The following RNF112 variants were observed in gnomAD, a reference collection of about 807,000 sequenced individuals.
RNF112 encodes the protein ring finger protein 112.
Under a neutral mutation model 64.7 loss-of-function variants are expected in RNF112, and 34 were observed. That is an observed-to-expected ratio of 0.53 (90% CI 0.40 to 0.70). The LOEUF is 0.70. RNF112 is among the 30% of genes least tolerant of loss of function. The probability of loss-of-function intolerance (pLI) is 0.00; values close to 1 mark genes in which losing one functional copy is unlikely to be tolerated. For synonymous variants in RNF112, 345 were observed against 344.5 expected, an observed-to-expected ratio of 1.00 and a Z score of -0.02; for missense variants, 734 against 850.0, an observed-to-expected ratio of 0.86 and a Z score of 1.70.
At position 19,415,261 on chromosome 17, in the gene RNF112, G is replaced by C. The variant is rs1913834322; in HGVS notation, c.1297-25G>C. The C allele has an allele frequency of 6.3e-7, 1 of 1,598,084 alleles. No homozygotes were observed. The highest frequency in any genetic ancestry group is 8.5e-7 in the Non-Finnish European group (1 of 1,175,778). ...ACTCGGCTGGGCCCCTGCTCTCCCT[G>C]ACCCCAGCGATGGTATCTCCGCAGA... is the stretch of plus-strand genomic sequence containing the variant. On this transcript the variant is annotated intron_variant, in intron 11 of 13. Transcript: ENST00000461366. This position sits in a 1 kb window ranked among gnomAD's most constrained non-coding sequence, Gnocchi z 7.8.
rs746719072 is a variant in RNF112 at position 19,414,799 on chromosome 17, G to A, written c.1038G>A (p.Gln346=). 5 of 1,613,590 alleles carry A rather than the reference G, an allele frequency of 3.1e-6. No individual in the cohort carries two copies. The highest frequency in any genetic ancestry group is 2.2e-5 in the South Asian group (2 of 91,088). ...TGTCTGGCAGATACCCCAAGGTGCA[G>A]GAGCTGCTGCAAGGGAAGCGAGCCC... is the stretch of plus-strand genomic sequence containing the variant. ...QRLSGRYPKV[Q]ELLQGKRARC... Residue 346 remains glutamine, a synonymous_variant, in exon 10 of 14, where the codon CAG becomes CAA. Transcript: ENST00000461366.
chr17:19,414,753 C>T lies in RNF112; in HGVS notation c.1009-17C>T. 6.2e-7 allele frequency: 1 copy of T among 1,612,762 alleles called. No individual in the cohort carries two copies. On this transcript the variant is annotated splice_polypyrimidine_tract_variant and intron_variant, in intron 9 of 13. Transcript: ENST00000461366. ...CTGGACCTCCTAGCTCAGAGCACTC[C>T]TCTCGCTGCCTCACAGAGATTGTCT... is the stretch of plus-strand genomic sequence containing the variant.
chr17:19,413,771 G>A lies in RNF112; in HGVS notation c.825+90G>A. On this transcript the variant is annotated intron_variant, in intron 6 of 13. Coordinates refer to ENST00000461366, the MANE Select transcript of RNF112 (RefSeq NM_007148.5). The surrounding 1 kb of genome is among the most constrained non-coding windows in gnomAD (Gnocchi z 5.9). The stretch of plus-strand genomic sequence containing the variant: ...AGGCCAGAGCATCTCACAGGCTTTG[G>A]TGTCTGGGGTCCTGATAGGTTCTGG... 1.0e-6 allele frequency: 1 copy of A among 1,002,474 alleles called. No homozygotes were observed. 62.1% of individuals were successfully genotyped at this position (1,002,474 alleles called of 1,614,324 possible).
Position 19,413,213 on chromosome 17 carries a change from G to A in RNF112, c.589-67G>A. 3 of 1,596,888 alleles carry A rather than the reference G, an allele frequency of 1.9e-6. No homozygotes were observed. Among genetic ancestry groups the A allele is most frequent in the Non-Finnish European group, 2.6e-6 (3 of 1,169,314 alleles). On this transcript the variant is annotated intron_variant, in intron 4 of 13. Transcript: ENST00000461366. The surrounding 1 kb of genome is among the most constrained non-coding windows in gnomAD (Gnocchi z 5.9). ...GGGGTTCCTGCCTGGGGGAAGCTGG[G>A]TCTGGTATTCCGGTCTGTGGGGACA...
rs1400660082 is a variant in RNF112, at chr17:19,417,095, C to G, written c.*920C>G. ...TGTAAGAAGATGCAGCTTGATGCAG[C>G]TCCTCAAACACCAGGCCCCCTGGGA... On this transcript the variant is annotated 3_prime_UTR_variant, in exon 14 of 14. Coordinates refer to ENST00000461366, the MANE Select transcript of RNF112 (RefSeq NM_007148.5). 1 of 152,160 alleles carries G rather than the reference C, an allele frequency of 6.6e-6. No individual in the cohort carries two copies. The highest frequency in any genetic ancestry group is 1.5e-5 in the Non-Finnish European group (1 of 68,038). The allele number at this position is 152,160 out of a possible 1,614,324, so 9.4% of individuals were successfully genotyped here.
chr17:19,412,570 C>T lies in RNF112; in HGVS notation c.168C>T (p.Thr56=). ...PQPMAPRELP[T]CSICLERLRD... is the part of the protein sequence containing the mutation. ...CCATGGCGCCCCGGGAGCTCCCTACCTGCTCCATCTGCCTGGAGAGGTTGC... is the reference window on the plus strand; with the variant it reads ...CCATGGCGCCCCGGGAGCTCCCTACTTGCTCCATCTGCCTGGAGAGGTTGC... The change falls in exon 3 of 14, where the codon ACC becomes ACT. Residue 56 remains threonine (T), a synonymous_variant. Transcript: ENST00000461366. This position sits in a 1 kb window ranked among gnomAD's most constrained non-coding sequence, Gnocchi z 5.1. The T allele has an allele frequency of 6.2e-7, 1 of 1,613,540 alleles. No homozygotes were observed. The highest frequency in any genetic ancestry group is 8.5e-7 in the Non-Finnish European group (1 of 1,179,784).
intron 7 of RNF112, 25 bp downstream of exon 7, chr17:19,414,170 C>T (rs1266818284): frequency 1.3e-6 from 2 of 1,590,982 alleles, no homozygotes; most frequent in Non-Finnish European, 1.7e-6. Context: ...GATGTTGGGG[C>T]ATCCCCCACC....
chr17:19,411,972 T>C, intron 2 of RNF112: 1 of 524,786 alleles, frequency 1.9e-6, no homozygotes, highest in Admixed American at 3.4e-5. Flanking sequence ...GTGGAGGGTA[T>C]CATCCCTGGG....
At position 19,416,283 on chromosome 17, in the gene RNF112, GC is replaced by G. The variant is rs1913893353; in HGVS notation, c.*109del. 6 of 1,042,072 alleles carry G rather than the reference GC, an allele frequency of 5.8e-6. No individual in the cohort carries two copies. In the South Asian group the frequency reaches 1.0e-4, roughly 18 times the overall value. The allele number at this position is 1,042,072 out of a possible 1,614,324, so 64.6% of individuals were successfully genotyped here. On this transcript the variant is annotated 3_prime_UTR_variant, in exon 14 of 14. Coordinates refer to ENST00000461366, the MANE Select transcript of RNF112 (RefSeq NM_007148.5). ...GGATTCCAAGGCACCGCCATGTACT[GC>G]ACTGCCCTGGTCGAATGCTCGGTGT... is the stretch of plus-strand genomic sequence containing the variant.
chr17:19,413,286 G>A lies in RNF112; in HGVS notation c.595G>A (p.Gly199Ser). ...TCCCTTCTCTCCCCTGCAGGAGTCT[G>A]GTGAGGGCGGCCGGCCAAGAGGAGG... is the stretch of plus-strand genomic sequence containing the variant. ...LLQGLPGLES[G>S]EGGRPRGGEA... The change falls in exon 5 of 14, where the codon GGT becomes AGT. Residue 199 changes from glycine to serine, a missense_variant. Gly to Ser is a moderately conservative substitution (Grantham distance 56). Transcript: ENST00000461366. This position sits in a 1 kb window ranked among gnomAD's most constrained non-coding sequence, Gnocchi z 5.9. The A allele has an allele frequency of 6.2e-7, 1 of 1,610,394 alleles. No individual in the cohort carries two copies. The highest frequency in any genetic ancestry group is 1.1e-5 in the South Asian group (1 of 90,810).
Position 19,412,401 on chromosome 17 carries a change from T to C in RNF112, c.96-97T>C. ...GAAATTGGGTTGGCACAAAGGGACCTCCACTCCCAAGCCATCAGTCTTCCA... is the reference window on the plus strand; with the variant it reads ...GAAATTGGGTTGGCACAAAGGGACCCCCACTCCCAAGCCATCAGTCTTCCA... On this transcript the variant is annotated intron_variant, in intron 2 of 13. Transcript: ENST00000461366. The surrounding 1 kb of genome is among the most constrained non-coding windows in gnomAD (Gnocchi z 5.1). The C allele has an allele frequency of 7.4e-7, 1 of 1,343,088 alleles. No individual in the cohort carries two copies. Among genetic ancestry groups the C allele is most frequent in the Non-Finnish European group, 1.0e-6 (1 of 986,742 alleles). 83.2% of individuals were successfully genotyped at this position (1,343,088 alleles called of 1,614,324 possible). A position where few individuals can be genotyped will look rare whatever the true frequency, so the allele number is the denominator to read the frequency against.
chr17:19,414,328 A>G, intron 7 of RNF112, 121 bp from the exon 8 acceptor site: 1 of 1,255,892 alleles, frequency 8.0e-7, no homozygotes, highest in Non-Finnish European at 1.1e-6. Context: ...GGAGAACCCC[A>G]GGCTGCAAAA....
In RNF112 at chr17:19,415,868, C is replaced by G; in HGVS notation, c.1589C>G (p.Ala530Gly). 3 of 1,613,722 alleles carry G rather than the reference C, an allele frequency of 1.9e-6. No homozygotes were observed. The highest frequency in any genetic ancestry group is 2.5e-6 in the Non-Finnish European group (3 of 1,179,836). The change falls in exon 14 of 14, where the codon GCC becomes GGC. Residue 530 changes from alanine (A) to glycine (G), a missense_variant. Ala to Gly is a moderately conservative substitution (Grantham distance 60). Coordinates refer to ENST00000461366, the MANE Select transcript of RNF112 (RefSeq NM_007148.5). The surrounding 1 kb of genome is among the most constrained non-coding windows in gnomAD (Gnocchi z 7.8). Reference protein sequence around the residue: ...TLEALEAELQATAKAFMDSYT... With the variant: ...TLEALEAELQGTAKAFMDSYT... ...GAGGCACTGGAAGCTGAGCTGCAGG[C>G]CACGGCCAAGGCCTTCATGGACTCC... is the stretch of plus-strand genomic sequence containing the variant.
At position 19,415,098 on chromosome 17, in the gene RNF112, C is replaced by T; in HGVS notation, c.1187C>T (p.Ala396Val). The T allele has an allele frequency of 3.1e-6, 5 of 1,604,692 alleles. No individual in the cohort carries two copies. The South Asian group carries it at 4.4e-5, about 14-fold the overall frequency. The change falls in exon 11 of 14, where the codon GCC (alanine) becomes GTC (valine). Residue 396 changes from alanine to valine, a missense_variant. Physicochemically the swap from Ala to Val is moderately conservative, Grantham distance 64 (BLOSUM62 0). Coordinates refer to ENST00000461366, the MANE Select transcript of RNF112 (RefSeq NM_007148.5). This position sits in a 1 kb window ranked among gnomAD's most constrained non-coding sequence, Gnocchi z 7.8. ...TACGTCTCAGATGTGCTGAGTGCGG[C>T]CCCCCAGCACGCTAAGAGCCGCTGC... The part of the protein sequence containing the change: ...GAYVSDVLSA[A>V]PQHAKSRCQG...
At position 19,413,466 on chromosome 17, in the gene RNF112, G is replaced by T. The variant is rs1399658757; in HGVS notation, c.720+55G>T. The T allele has an allele frequency of 2.5e-6, 4 of 1,580,086 alleles. No homozygotes were observed. Among genetic ancestry groups the T allele is most frequent in the African/African-American group, 1.3e-5 (1 of 74,290 alleles). On this transcript the variant is annotated intron_variant, in intron 5 of 13. Coordinates refer to ENST00000461366, the MANE Select transcript of RNF112 (RefSeq NM_007148.5). This position sits in a 1 kb window ranked among gnomAD's most constrained non-coding sequence, Gnocchi z 5.9. ...GGGATGGGAAGGGGAATCAAGAAGGGCGTCTCTGGGGTGAGGATAGAAGAT... is the reference window on the plus strand; with the variant it reads ...GGGATGGGAAGGGGAATCAAGAAGGTCGTCTCTGGGGTGAGGATAGAAGAT...
chr17:19,413,734 T>A lies in RNF112; in HGVS notation c.825+53T>A. ...CCCACCCCACACACCCTTCTCCAGCTCAGCTTCCTCAAGGCCAGAGCATCT... is the reference window on the plus strand; with the variant it reads ...CCCACCCCACACACCCTTCTCCAGCACAGCTTCCTCAAGGCCAGAGCATCT... On this transcript the variant is annotated intron_variant, in intron 6 of 13. Transcript: ENST00000461366. The surrounding 1 kb of genome is among the most constrained non-coding windows in gnomAD (Gnocchi z 5.9). 1 of 1,347,414 alleles carries A rather than the reference T, an allele frequency of 7.4e-7. No individual in the cohort carries two copies. The allele number at this position is 1,347,414 out of a possible 1,614,324, so 83.5% of individuals were successfully genotyped here. A position where few individuals can be genotyped will look rare whatever the true frequency, so the allele number is the denominator to read the frequency against.
rs1735956624 is a variant in RNF112 at position 19,416,241 on chromosome 17, G to T, written c.*66G>T. On this transcript the variant is annotated 3_prime_UTR_variant, in exon 14 of 14. Transcript: ENST00000461366. ...GGGGATGAAGAAGAGGGGCAGGTCG[G>T]GGGAGGGTGATGCCAGGGATTCCAA... 1.4e-6 allele frequency: 2 copies of T among 1,404,334 alleles called. No individual in the cohort carries two copies. The highest frequency in any genetic ancestry group is 1.4e-5 in the African/African-American group (1 of 69,606). The allele number at this position is 1,404,334 out of a possible 1,614,324, so 87.0% of individuals were successfully genotyped here.
Position 19,414,831 on chromosome 17 carries a change from G to T in RNF112, c.1070G>T (p.Cys357Phe). 6.2e-7 allele frequency: 1 copy of T among 1,613,810 alleles called. No individual in the cohort carries two copies. Among genetic ancestry groups the T allele is most frequent in the Non-Finnish European group, 8.5e-7 (1 of 1,179,856 alleles). ...CTGCAAGGGAAGCGAGCCCGTTGCT[G>T]CCTCTTGCCTGCCCCAGGGAGGCGG... Reference protein sequence around the residue: ...ELLQGKRARCCLLPAPGRRRM... With the variant: ...ELLQGKRARCFLLPAPGRRRM... The change falls in exon 10 of 14, where the codon TGC (cysteine) becomes TTC (phenylalanine). Residue 357 changes from cysteine to phenylalanine, a missense_variant. By Grantham distance (205) the Cys-to-Phe change is radical. Transcript: ENST00000461366.
In RNF112 at chr17:19,416,072, G is replaced by A; in HGVS notation, c.1793G>A (p.Gly598Asp). ...GCCACAGGGGCCGCTGTGGTTGGGG[G>A]TGGCGTGGGTGCTGGGTTGGCTGCC... The part of the protein sequence containing the change: ...VGATGAAVVG[G>D]GVGAGLAATV... Residue 598 changes from glycine (G) to aspartate (D), a missense_variant, in exon 14 of 14, where the codon GGT (glycine) becomes GAT (aspartate). By Grantham distance (94) the Gly-to-Asp change is moderately conservative. Transcript: ENST00000461366. 1 of 1,572,914 alleles carries A rather than the reference G, an allele frequency of 6.4e-7. No individual in the cohort carries two copies.
Sources: allele counts gnomAD v4.1 joint callset, GRCh38; gene constraint gnomAD v4.1.1; non-coding constraint Gnocchi (gnomAD v3.1); transcripts MANE v1.5; gene names NCBI Gene and HGNC (gene_info 2026-07-23, HGNC 2026-07-21).